The following OSBPL3 variants were observed in gnomAD, a reference collection of about 807,000 sequenced individuals.
The protein encoded by OSBPL3 is oxysterol-binding protein-related protein 3.
OSBPL3 carries 65 observed loss-of-function variants against 120.1 expected under a neutral mutation model. That is an observed-to-expected ratio of 0.54 (90% CI 0.44 to 0.67). The LOEUF is 0.67. Among genes scored for constraint, OSBPL3 ranks in the 30% least tolerant of loss-of-function variants. The probability of loss-of-function intolerance (pLI) is 0.00; values close to 1 mark genes in which losing one functional copy is unlikely to be tolerated. For synonymous variants in OSBPL3, 416 were observed against 402.6 expected, an observed-to-expected ratio of 1.03 and a Z score of -0.40; for missense variants, 1,004 against 1,082.1, an observed-to-expected ratio of 0.93 and a Z score of 1.01.
chr7:24,832,513 GAA>G (rs1192440659), intron 15 of OSBPL3, among the ~76,000 whole-genome samples: 14 of 103,908 alleles, frequency 1.3e-4, no homozygotes, highest in South Asian at 3.2e-4. Flanking sequence ...CTGCCTCAAA[GAA>G]AAAAAAAAAA....
In OSBPL3 at chr7:24,851,717, C is replaced by G. The variant is rs143672281; in HGVS notation, c.1158+787G>C. On this transcript the variant is annotated intron_variant, in intron 11 of 22. Coordinates refer to ENST00000313367, the MANE Select transcript of OSBPL3 (RefSeq NM_015550.4). The surrounding 1 kb of genome is among the most constrained non-coding windows in gnomAD (Gnocchi z 4.1). ...TGCTATTTCAAAAGTTCTCTAGCCT[C>G]CTGATAGATTCAGGGTAAAAAAAAA... Among the ~76,000 whole-genome samples, 2,159 of 149,406 alleles carry G rather than the reference C, an allele frequency of 0.014. 65 individuals carry two copies. The highest frequency in any genetic ancestry group is 0.05 in the African/African-American group (2,034 of 40,906).
intron 13 of OSBPL3, 67 bp from the exon 14 acceptor site, chr7:24,840,850 C>T (rs983655372): frequency 1.4e-6 from 1 of 720,706 alleles, no homozygotes; most frequent in African/African-American, 1.9e-5. Flanking sequence ...TCATAAAACC[C>T]TTACTCTAAA....
intron 12 of OSBPL3, among the ~76,000 whole-genome samples, chr7:24,848,083 C>CA (rs1798659688): frequency 6.6e-6 from 1 of 152,208 alleles, no homozygotes; most frequent in African/African-American, 2.4e-5. Flanking sequence ...ATCTTGTCTC[C>CA]AAATGGGTTC....
rs1380732149 is a variant in OSBPL3, at chr7:24,834,637, A to G, written c.1595T>C (p.Leu532Pro). 6.2e-6 allele frequency: 10 copies of G among 1,614,066 alleles called. No homozygotes were observed. Among genetic ancestry groups the G allele is most frequent in the Non-Finnish European group, 8.5e-6 (10 of 1,180,018 alleles). Residue 532 changes from leucine (L) to proline (P), a missense_variant, in exon 15 of 23, where the codon CTG becomes CCG. Physicochemically the swap from Leu to Pro is moderately conservative, Grantham distance 98. Coordinates refer to ENST00000313367, the MANE Select transcript of OSBPL3 (RefSeq NM_015550.4). This position sits in a 1 kb window ranked among gnomAD's most constrained non-coding sequence, Gnocchi z 5.2. ...CAGGTCCTTCCCGATGTTGTTCCTC[A>G]GGATGTTCCACAGGCTGATGTTACT... ...SSSNISLWNILRNNIGKDLSK... is the reference protein window; with the variant it reads ...SSSNISLWNIPRNNIGKDLSK...
Position 24,834,699 on chromosome 7 carries a change from C to A in OSBPL3, c.1533G>T (p.Arg511=). ...AGGGCGCCGGCAGGCACGTTCTTCT[C>A]CGGGACTTCGCTTCCCGACCACTAT... ...VLDSGREAKS[R]RRTCLPAPCP... Residue 511 remains arginine, a synonymous_variant, in exon 15 of 23, where the codon CGG becomes CGT. Transcript: ENST00000313367. This position sits in a 1 kb window ranked among gnomAD's most constrained non-coding sequence, Gnocchi z 5.2. 1 of 1,613,494 alleles carries A rather than the reference C, an allele frequency of 6.2e-7. No homozygotes were observed. The highest frequency in any genetic ancestry group is 1.1e-5 in the South Asian group (1 of 91,004).
At chr7:24,810,113 A>G in intron 19 of OSBPL3, 162 bp from the exon 20 acceptor site, 1 of 652,980 alleles carries the variant, frequency 1.5e-6, no homozygotes, top group Non-Finnish European at 2.7e-6. Context: ...GACAAATAAA[A>G]AATTTATATA....
In OSBPL3 at chr7:24,802,688, A is replaced by G. The variant is rs1368881567; in HGVS notation, c.2567+1627T>C. On this transcript the variant is annotated intron_variant, in intron 22 of 22. Coordinates refer to ENST00000313367, the MANE Select transcript of OSBPL3 (RefSeq NM_015550.4). The surrounding 1 kb of genome is among the most constrained non-coding windows in gnomAD (Gnocchi z 4.1). ...ACAGTTTGGTTACCTACCATTTTTAATGATCCTAAAAAGTACTGTAATGAA... is the reference window on the plus strand; with the variant it reads ...ACAGTTTGGTTACCTACCATTTTTAGTGATCCTAAAAAGTACTGTAATGAA... Among the ~76,000 whole-genome samples, 1 of 152,148 alleles carries G rather than the reference A, an allele frequency of 6.6e-6. No individual in the cohort carries two copies. The highest frequency in any genetic ancestry group is 1.5e-5 in the Non-Finnish European group (1 of 68,028).
intron 19 of OSBPL3, among the ~76,000 whole-genome samples, chr7:24,811,779 T>C (rs1793831483): frequency 6.6e-6 from 1 of 152,230 alleles, no homozygotes; most frequent in Non-Finnish European, 1.5e-5. Flanking sequence ...TGTGAGTTCT[T>C]GGCACTTTGT....
At chr7:24,954,913 T>C (rs927792991) in intron 1 of OSBPL3, among the ~76,000 whole-genome samples, 2 of 152,126 alleles carry the variant, frequency 1.3e-5, no homozygotes, top group Admixed American at 6.5e-5. Context: ...ATGCTGACAG[T>C]ACTAAAGGAA....
At position 24,946,953 on chromosome 7, in the gene OSBPL3, G is replaced by C. The variant is rs1180991390; in HGVS notation, c.-150+32933C>G. Among the ~76,000 whole-genome samples, 1 of 152,186 alleles carries C rather than the reference G, an allele frequency of 6.6e-6. No homozygotes were observed. Among genetic ancestry groups the C allele is most frequent in the Non-Finnish European group, 1.5e-5 (1 of 68,032 alleles). ...CCAATAAAGGTTTGCTGTTTGGCTTGTGCTCAAAACGAAAAGGATAAGCAT... is the reference window on the plus strand; with the variant it reads ...CCAATAAAGGTTTGCTGTTTGGCTTCTGCTCAAAACGAAAAGGATAAGCAT... On this transcript the variant is annotated intron_variant, in intron 1 of 22. Coordinates refer to ENST00000313367, the MANE Select transcript of OSBPL3 (RefSeq NM_015550.4). The surrounding 1 kb of genome is among the most constrained non-coding windows in gnomAD (Gnocchi z 4.3).
Position 24,930,976 on chromosome 7 carries a change from T to C in OSBPL3, c.-149-38355A>G, listed in dbSNP as rs1811720123. On this transcript the variant is annotated intron_variant, in intron 1 of 22. Coordinates refer to ENST00000313367, the MANE Select transcript of OSBPL3 (RefSeq NM_015550.4). The surrounding 1 kb of genome is among the most constrained non-coding windows in gnomAD (Gnocchi z 4.4). ...TTAACATTCTCACAGGAAGTACGTGTTCAGAGGCAAAAAGTGAGCTGTGGG... is the reference window on the plus strand; with the variant it reads ...TTAACATTCTCACAGGAAGTACGTGCTCAGAGGCAAAAAGTGAGCTGTGGG... Among the ~76,000 whole-genome samples, 2 of 152,176 alleles carry C rather than the reference T, an allele frequency of 1.3e-5. No individual in the cohort carries two copies. The highest frequency in any genetic ancestry group is 4.8e-5 in the African/African-American group (2 of 41,446).
chr7:24,845,733 T>A (rs991748910), intron 12 of OSBPL3, among the ~76,000 whole-genome samples: 1 of 152,168 alleles, frequency 6.6e-6, no homozygotes, highest in South Asian at 2.1e-4. Flanking sequence ...TAGAAAATCT[T>A]CCCTACTCTA....
chr7:24,868,114 C>T (rs1801589176), intron 5 of OSBPL3, among the ~76,000 whole-genome samples: 1 of 151,936 alleles, frequency 6.6e-6, no homozygotes, highest in African/African-American at 2.4e-5. Context: ...GTCAGGAGAT[C>T]GAGACTGTCC....
intron 1 of OSBPL3, among the ~76,000 whole-genome samples, chr7:24,914,476 C>T (rs1192030355): frequency 1.3e-5 from 2 of 152,094 alleles, no homozygotes; most frequent in African/African-American, 4.8e-5. Context: ...CTGGCATCTG[C>T]TATACTGGAG....
Position 24,863,241 on chromosome 7 carries a change from G to T in OSBPL3, c.829C>A (p.Arg277=). 1 of 1,614,038 alleles carries T rather than the reference G, an allele frequency of 6.2e-7. No individual in the cohort carries two copies. The highest frequency in any genetic ancestry group is 8.5e-7 in the Non-Finnish European group (1 of 1,179,906). The change falls in exon 9 of 23, where the codon CGG becomes AGG. Residue 277 remains arginine (R), a synonymous_variant. Transcript: ENST00000313367. The surrounding 1 kb of genome is among the most constrained non-coding windows in gnomAD (Gnocchi z 5.8). ...KKEKRSHRRW[R]SRAIGKDAKG... is the part of the protein sequence containing the mutation. ...GCATCTTTGCCAATAGCTCTGGACC[G>T]CCACCTCCTGTGCGATCTTTTTTCC...
rs907255368 is a variant in OSBPL3, at chr7:24,933,979, T to C, written c.-149-41358A>G. On this transcript the variant is annotated intron_variant, in intron 1 of 22. Transcript: ENST00000313367. This position sits in a 1 kb window ranked among gnomAD's most constrained non-coding sequence, Gnocchi z 5.1. ...ACATTAGAAAAGCAAAGTTTAAGAA[T>C]GCAGATAGACCATGTGTGTAATAGC... Among the ~76,000 whole-genome samples, 1 of 152,212 alleles carries C rather than the reference T, an allele frequency of 6.6e-6. No individual in the cohort carries two copies. The highest frequency in any genetic ancestry group is 1.5e-5 in the Non-Finnish European group (1 of 68,022).
At position 24,965,567 on chromosome 7, in the gene OSBPL3, T is replaced by G. The variant is rs572887019; in HGVS notation, c.-150+14319A>C. ...CTTGGTCTTCTGCCTGCTGAACCAA[T>G]GCTTGGATTTGCTAAGGGGTCCATG... On this transcript the variant is annotated intron_variant, in intron 1 of 22. Transcript: ENST00000313367. The surrounding 1 kb of genome is among the most constrained non-coding windows in gnomAD (Gnocchi z 4.3). 6.6e-6 allele frequency among the ~76,000 whole-genome samples: 1 copy of G among 152,296 alleles called. No homozygotes were observed. Among genetic ancestry groups the G allele is most frequent in the South Asian group, 2.1e-4 (1 of 4,826 alleles).
rs1377074946 is a variant in OSBPL3, at chr7:24,819,975, A to G, written c.1948+200T>C. 6.6e-6 allele frequency among the ~76,000 whole-genome samples: 1 copy of G among 152,222 alleles called. No homozygotes were observed. Among genetic ancestry groups the G allele is most frequent in the African/African-American group, 2.4e-5 (1 of 41,464 alleles). ...TTCAAATGATTTTTACATAAGATAA[A>G]GTTACAGAAATAAATGGAGGTGGCT... On this transcript the variant is annotated intron_variant, in intron 17 of 22. Coordinates refer to ENST00000313367, the MANE Select transcript of OSBPL3 (RefSeq NM_015550.4). The surrounding 1 kb of genome is among the most constrained non-coding windows in gnomAD (Gnocchi z 4.1).
Position 24,822,437 on chromosome 7 carries a change from T to G in OSBPL3, c.1885-2199A>C, listed in dbSNP as rs940006512. Among the ~76,000 whole-genome samples the G allele has an allele frequency of 4.6e-5, 7 of 152,130 alleles. No homozygotes were observed. Among genetic ancestry groups the G allele is most frequent in the Admixed American group, 2.6e-4 (4 of 15,266 alleles). Reference sequence around the variant, plus strand: ...CAACATAGTGAGACACTATCTATAATAATAATAACCATTAATCAGCTCAAG... The same window carrying G: ...CAACATAGTGAGACACTATCTATAAGAATAATAACCATTAATCAGCTCAAG... On this transcript the variant is annotated intron_variant, in intron 16 of 22. Transcript: ENST00000313367. The surrounding 1 kb of genome is among the most constrained non-coding windows in gnomAD (Gnocchi z 5.8).
Sources: gnomAD v4.1 joint callset for allele counts (sites outside exome capture counted in the v4.1 genomes callset) on GRCh38, gnomAD v4.1.1 for gene constraint, Gnocchi (gnomAD v3.1) non-coding constraint, MANE v1.5 for transcripts, NCBI Gene and HGNC (gene_info 2026-07-23, HGNC 2026-07-21) for gene names.